Variants in LRRC28 observed in about 807,000 individuals in gnomAD.
LRRC28 encodes the protein leucine-rich repeat-containing protein 28.
In LRRC28, 39 loss-of-function variants were observed where a neutral mutation model predicts 45.7. That is an observed-to-expected ratio of 0.85 (90% CI 0.66 to 1.12). LRRC28 has a LOEUF of 1.12. Ranked by LOEUF, LRRC28 falls within the 50% of genes most tolerant of loss-of-function variation. The pLI is 0.00. For synonymous variants in LRRC28, 206 were observed against 178.8 expected (o/e 1.15, Z -1.22); for missense variants, 435 against 438.5 (o/e 0.99, Z 0.07).
intron 2 of LRRC28, among the ~76,000 whole-genome samples, chr15:99,274,687 C>T (rs1462808934): frequency 6.6e-6 from 1 of 152,102 alleles, no homozygotes; most frequent in Non-Finnish European, 1.5e-5. Context: ...GTACCTAACA[C>T]GTTAGTTTTT....
chr15:99,377,553 C>A (rs918985008), intron 9 of LRRC28, among the ~76,000 whole-genome samples: 6 of 152,108 alleles, frequency 3.9e-5, no homozygotes, highest in African/African-American at 1.4e-4. Context: ...TTAAATAGAT[C>A]CCATTTGTCA....
chr15:99,259,384 T>C, intron 2 of LRRC28: 1 of 1,555,484 alleles, frequency 6.4e-7, no homozygotes, highest in Non-Finnish European at 8.9e-7. Context: ...GGTTCCAGAA[T>C]GTTGCCAAGG....
chr15:99,363,066 A>G, intron 8 of LRRC28, 40 bp from the exon 9 acceptor site: 1 of 1,575,184 alleles, frequency 6.3e-7, no homozygotes, highest in East Asian at 2.3e-5. Context: ...AGGAAGTCTG[A>G]TTTTTTTACT....
intron 2 of LRRC28, among the ~76,000 whole-genome samples, chr15:99,271,799 A>G (rs2081487574): frequency 1.3e-5 from 2 of 152,082 alleles, no homozygotes; most frequent in Admixed American, 1.3e-4. Context: ...AGGTTTGACC[A>G]TGTTGGTCGG....
At chr15:99,285,249 C>T (rs1179756725) in intron 3 of LRRC28, 1 of 733,554 alleles carries the variant, frequency 1.4e-6, no homozygotes, top group South Asian at 1.3e-5. Flanking sequence ...TCTTTAATGT[C>T]ATCAACAAAT....
chr15:99,256,712 T>G (rs2081032396), intron 2 of LRRC28, among the ~76,000 whole-genome samples: 1 of 152,202 alleles, frequency 6.6e-6, no homozygotes, highest in Admixed American at 6.5e-5. Flanking sequence ...AAGGCAACAT[T>G]TAATTTGCTC....
Position 99,386,128 on chromosome 15 carries a change from C to G in LRRC28, c.*26C>G. On this transcript the variant is annotated 3_prime_UTR_variant, in exon 10 of 10. Coordinates refer to ENST00000301981, the MANE Select transcript of LRRC28 (RefSeq NM_144598.5). ...TAAACACTCAAGAACCTCAGGAGCG[C>G]TGCCAGCTTGACACTGGGGAATCCA... is the stretch of plus-strand genomic sequence containing the variant. 1.3e-6 allele frequency: 2 copies of G among 1,596,776 alleles called. No homozygotes were observed. Among genetic ancestry groups the G allele is most frequent in the South Asian group, 2.2e-5 (2 of 90,716 alleles).
chr15:99,274,937 C>T (rs1022287547), intron 2 of LRRC28, among the ~76,000 whole-genome samples: 1 of 152,112 alleles, frequency 6.6e-6, no homozygotes, highest in African/African-American at 2.4e-5. Flanking sequence ...GACCTAATGT[C>T]TTCTAAAAAG....
At chr15:99,318,559 C>G (rs1012380662) in intron 5 of LRRC28, among the ~76,000 whole-genome samples, 2 of 151,620 alleles carry the variant, frequency 1.3e-5, no homozygotes, top group African/African-American at 4.8e-5. Flanking sequence ...ATTTTTGAGT[C>G]TTTTTTTTCA....
At chr15:99,336,625 T>G (rs990374443) in intron 6 of LRRC28, among the ~76,000 whole-genome samples, 2 of 152,186 alleles carry the variant, frequency 1.3e-5, no homozygotes, top group African/African-American at 4.8e-5. Flanking sequence ...TAGCGCTTTC[T>G]CTCACCTACC....
chr15:99,375,776 A>G (rs1399862828), intron 9 of LRRC28, among the ~76,000 whole-genome samples: 1 of 152,110 alleles, frequency 6.6e-6, no homozygotes, highest in African/African-American at 2.4e-5. Flanking sequence ...GTATTCCTAT[A>G]CATCTTTTTA....
At chr15:99,267,378 C>T (rs187138222) in intron 2 of LRRC28, among the ~76,000 whole-genome samples, 92 of 152,274 alleles carry the variant, frequency 6.0e-4, no homozygotes, top group Non-Finnish European at 1.2e-3. Flanking sequence ...ATCATACAGC[C>T]AAGTGCGGTA....
chr15:99,349,406 T>C (rs927285763), intron 6 of LRRC28, among the ~76,000 whole-genome samples: 3 of 152,176 alleles, frequency 2.0e-5, no homozygotes, highest in Admixed American at 2.0e-4. Context: ...TTATGCCATA[T>C]ATAAGAATAG....
chr15:99,292,857 A>T (rs1249870291), intron 5 of LRRC28, among the ~76,000 whole-genome samples: 1 of 152,094 alleles, frequency 6.6e-6, no homozygotes, highest in Non-Finnish European at 1.5e-5. Flanking sequence ...TCTGGAGTTG[A>T]TTTACATTTC....
intron 5 of LRRC28, among the ~76,000 whole-genome samples, chr15:99,310,825 C>T (rs377409958): frequency 1.1e-4 from 17 of 152,334 alleles, no homozygotes; most frequent in Admixed American, 4.6e-4. Context: ...TCACGCAATA[C>T]GGCTGTCCAC....
intron 2 of LRRC28, among the ~76,000 whole-genome samples, chr15:99,263,759 T>A (rs1366275782): frequency 6.6e-6 from 1 of 152,186 alleles, no homozygotes; most frequent in Non-Finnish European, 1.5e-5. Context: ...GACAGGCACT[T>A]AGGAGGAAGA....
intron 5 of LRRC28, among the ~76,000 whole-genome samples, chr15:99,328,889 G>T (rs1430780958): frequency 6.6e-6 from 1 of 151,680 alleles, no homozygotes; most frequent in Admixed American, 6.6e-5. Flanking sequence ...GGCATCCTTA[G>T]TTCTGAGGCC....
rs545390133 is a variant in LRRC28, at chr15:99,256,747, G to A, written c.168+622G>A. 1.8e-4 allele frequency among the ~76,000 whole-genome samples: 28 copies of A among 152,314 alleles called. No individual in the cohort carries two copies. In the South Asian group the frequency reaches 4.4e-3, roughly 24 times the overall value. On this transcript the variant is annotated intron_variant, in intron 2 of 9. Coordinates refer to ENST00000301981, the MANE Select transcript of LRRC28 (RefSeq NM_144598.5). Reference sequence around the variant, plus strand: ...CTTTTTATGTTCTAAGAATAAGCACGTAGTTTTCATTATAATCTGAATTGT... The same window carrying A: ...CTTTTTATGTTCTAAGAATAAGCACATAGTTTTCATTATAATCTGAATTGT...
At chr15:99,316,828 A>G (rs1955612344) in intron 5 of LRRC28, among the ~76,000 whole-genome samples, 1 of 151,948 alleles carries the variant, frequency 6.6e-6, no homozygotes, top group South Asian at 2.1e-4. Context: ...ACACCAGGGA[A>G]GGTTTTTTGT....
Sources: allele counts gnomAD v4.1 joint callset (sites outside exome capture counted in the v4.1 genomes callset), GRCh38; gene constraint gnomAD v4.1.1; transcripts MANE v1.5; gene names NCBI Gene and HGNC (gene_info 2026-07-23, HGNC 2026-07-21).